Variants in QKI observed in about 807,000 individuals in gnomAD.
QKI encodes KH domain-containing RNA-binding protein QKI.
Under a neutral mutation model 39.0 loss-of-function variants are expected in QKI, and 10 were observed. The observed-to-expected ratio is 0.26, with a 90% CI of 0.16 to 0.43. The LOEUF (loss-of-function observed/expected upper bound fraction) is 0.43. QKI is among the 20% of genes least tolerant of loss of function. The pLI is 1.00. For synonymous variants in QKI, 204 were observed against 155.4 expected (o/e 1.31, Z -2.33); for missense variants, 218 against 428.0 (o/e 0.51, Z 4.33).
intron 1 of QKI, among the ~76,000 whole-genome samples, chr6:163,428,536 A>G (rs1788581642): frequency 6.6e-6 from 1 of 152,158 alleles, no homozygotes; most frequent in Non-Finnish European, 1.5e-5. Context: ...AATTATCAGC[A>G]GTAAAAAAGA....
chr6:163,446,100 T>C (rs1790133972), intron 1 of QKI, among the ~76,000 whole-genome samples: 1 of 152,212 alleles, frequency 6.6e-6, no homozygotes, highest in Non-Finnish European at 1.5e-5. Flanking sequence ...TTAGCATTCA[T>C]TGAATGATTT....
chr6:163,549,058 T>C (rs1477418160), intron 4 of QKI, among the ~76,000 whole-genome samples: 1 of 152,158 alleles, frequency 6.6e-6, no homozygotes, highest in Non-Finnish European at 1.5e-5. Flanking sequence ...GAGGTTTAAT[T>C]GACTCATAGT....
At chr6:163,496,427 G>T (rs1425655110) in intron 3 of QKI, among the ~76,000 whole-genome samples, 1 of 152,122 alleles carries the variant, frequency 6.6e-6, no homozygotes, top group African/African-American at 2.4e-5. Flanking sequence ...TGTGGCTGGT[G>T]AGTTGCTTGG....
intron 1 of QKI, among the ~76,000 whole-genome samples, chr6:163,428,718 T>TTATATTGAGTTA (rs1453765039): frequency 3.3e-5 from 5 of 151,314 alleles, no homozygotes; most frequent in African/African-American, 1.2e-4. Flanking sequence ...TGTATTTAAG[T>TTATATTGAGTTA]TATATTTTCC....
intron 2 of QKI, among the ~76,000 whole-genome samples, chr6:163,477,862 T>G (rs546521218): frequency 3.3e-5 from 5 of 152,350 alleles, no homozygotes; most frequent in African/African-American, 1.2e-4. Flanking sequence ...GTTACTTTTA[T>G]GTAATGATAT....
intron 2 of QKI, among the ~76,000 whole-genome samples, chr6:163,475,660 C>T (rs762552241): frequency 4.6e-5 from 7 of 151,864 alleles, no homozygotes; most frequent in South Asian, 2.1e-4. Context: ...CAGTGACATT[C>T]GTATATTTAA....
At chr6:163,511,978 T>TA (rs71023232) in intron 3 of QKI, among the ~76,000 whole-genome samples, 104,426 of 151,570 alleles carry the variant, frequency 0.69, 36,959 homozygotes, top group East Asian at 0.94. Context: ...AAATTAACGA[T>TA]AAAAAAAGAA....
chr6:163,507,623 G>A (rs1779179524), intron 3 of QKI, among the ~76,000 whole-genome samples: 1 of 152,216 alleles, frequency 6.6e-6, no homozygotes, highest in Non-Finnish European at 1.5e-5. Context: ...TATGTGCAGA[G>A]TAGACATAAG....
At chr6:163,569,487 G>A (rs1443988686) in intron 7 of QKI, 2 of 1,273,968 alleles carry the variant, frequency 1.6e-6, no homozygotes, top group African/African-American at 3.1e-5. Context: ...GAATATAGTA[G>A]AAATAATTAA....
intron 1 of QKI, among the ~76,000 whole-genome samples, chr6:163,442,443 T>C (rs984476764): frequency 6.6e-6 from 1 of 151,940 alleles, no homozygotes; most frequent in African/African-American, 2.4e-5. Flanking sequence ...AACAGAGGAG[T>C]GACATCTCAC....
intron 2 of QKI, among the ~76,000 whole-genome samples, chr6:163,477,134 G>A (rs1167724239): frequency 6.6e-6 from 1 of 151,658 alleles, no homozygotes; most frequent in Admixed American, 6.6e-5. Flanking sequence ...TCATGCCTCG[G>A]CCACCCAGGT....
chr6:163,541,094 ACTTTT>A (rs993096493), intron 4 of QKI, among the ~76,000 whole-genome samples: 9 of 151,978 alleles, frequency 5.9e-5, no homozygotes, highest in African/African-American at 1.7e-4. Flanking sequence ...TACTTCTGAG[ACTTTT>A]CTTTTAAGGA....
At chr6:163,496,279 C>G (rs768176652) in intron 3 of QKI, among the ~76,000 whole-genome samples, 1 of 152,160 alleles carries the variant, frequency 6.6e-6, no homozygotes, top group Non-Finnish European at 1.5e-5. Context: ...GGCTTCAACA[C>G]ACTGAGCTTT....
chr6:163,432,406 T>C (rs1788905023), intron 1 of QKI, among the ~76,000 whole-genome samples: 1 of 151,800 alleles, frequency 6.6e-6, no homozygotes, highest in Admixed American at 6.6e-5. Flanking sequence ...CCCTTTTTTT[T>C]TTTTTAAAGA....
intron 3 of QKI, among the ~76,000 whole-genome samples, chr6:163,507,011 C>T (rs1036622600): frequency 3.3e-5 from 5 of 152,166 alleles, no homozygotes; most frequent in East Asian, 3.9e-4. Context: ...CTTGATTCTG[C>T]GATGATTAAA....
At chr6:163,525,641 A>C (rs1450282680) in intron 3 of QKI, among the ~76,000 whole-genome samples, 1 of 152,170 alleles carries the variant, frequency 6.6e-6, no homozygotes, top group Non-Finnish European at 1.5e-5. Flanking sequence ...CTGAGATTAC[A>C]GGCGTGAGCC....
intron 3 of QKI, among the ~76,000 whole-genome samples, chr6:163,483,034 G>C (rs62428368): frequency 1.3e-5 from 2 of 152,124 alleles, no homozygotes; most frequent in Admixed American, 1.3e-4. Context: ...GACACAAACA[G>C]GTTCCAGACC....
intron 4 of QKI, 120 bp from the exon 5 acceptor site, chr6:163,561,862 C>G (rs1390794243): frequency 7.8e-6 from 5 of 643,758 alleles, no homozygotes; most frequent in Non-Finnish European, 1.2e-5. Flanking sequence ...CTTTTTTTCC[C>G]CTTATTAAAA....
chr6:163,519,777 GCTTA>G lies in QKI; in HGVS notation c.403-15201_403-15198del, dbSNP rs1041694385. On this transcript the variant is annotated intron_variant, in intron 3 of 7. Coordinates refer to ENST00000361752, the MANE Select transcript of QKI (RefSeq NM_006775.3). ...TTAACCACAATAATTATTAATGATA[GCTTA>G]CTTTTTAAGCATTATAGTTATTTTA... is the stretch of plus-strand genomic sequence containing the variant. Among the ~76,000 whole-genome samples, 16 of 151,968 alleles carry G rather than the reference GCTTA, an allele frequency of 1.1e-4. 1 individual carries two copies. Among genetic ancestry groups the G allele is most frequent in the Admixed American group, 4.6e-4 (7 of 15,254 alleles).
Sources: gnomAD v4.1 joint callset for allele counts (sites outside exome capture counted in the v4.1 genomes callset) on GRCh38, gnomAD v4.1.1 for gene constraint, MANE v1.5 for transcripts, NCBI Gene and HGNC (gene_info 2026-07-23, HGNC 2026-07-21) for gene names.